CCDC157: variants seen among roughly 807,000 people sequenced by gnomAD.
CCDC157 encodes the protein coiled-coil domain-containing protein 157.
Under a neutral mutation model 70.9 loss-of-function variants are expected in CCDC157, and 60 were observed. That is an observed-to-expected ratio of 0.85 (90% CI 0.69 to 1.05). The LOEUF is 1.05. Ranked by LOEUF, CCDC157 falls within the 50% of genes least tolerant of loss-of-function variation. The probability of loss-of-function intolerance (pLI) is 0.00; values close to 1 mark genes in which losing one functional copy is unlikely to be tolerated. For missense variants in CCDC157, 943 were observed against 984.2 expected (o/e 0.96, Z 0.56); for synonymous variants, 373 against 422.4 (o/e 0.88, Z 1.43).
At position 30,372,184 on chromosome 22, in the gene CCDC157, G is replaced by C. The variant is rs759592497; in HGVS notation, c.1233G>C (p.Leu411=). The part of the protein sequence containing the change: ...QVQQLEAQVQ[L]LVGRLEGAGQ... ...AGCAGTTGGAGGCGCAGGTGCAGCT[G>C]TTGGTGGGTCGGCTGGAGGGCGCTG... The change falls in exon 7 of 12, where the codon CTG becomes CTC. Residue 411 remains leucine (L), a synonymous_variant. Transcript: ENST00000338306. 1 of 1,587,620 alleles carries C rather than the reference G, an allele frequency of 6.3e-7. No homozygotes were observed. The highest frequency in any genetic ancestry group is 1.1e-5 in the South Asian group (1 of 87,106).
rs1932892917 is a variant in CCDC157 at position 30,370,588 on chromosome 22, A to G, written c.683A>G (p.Gln228Arg). 1.2e-6 allele frequency: 2 copies of G among 1,614,026 alleles called. No individual in the cohort carries two copies. Among genetic ancestry groups the G allele is most frequent in the Non-Finnish European group, 1.7e-6 (2 of 1,180,032 alleles). The change falls in exon 5 of 12, where the codon CAG becomes CGG. Residue 228 changes from glutamine to arginine, a missense_variant. Transcript: ENST00000338306. Reference sequence around the variant, plus strand: ...CCCTGTGACGCATGCGCCAGCGTCCAGGGAAGCCTGCAGAAGGTGGGCAAG... The same window carrying G: ...CCCTGTGACGCATGCGCCAGCGTCCGGGGAAGCCTGCAGAAGGTGGGCAAG... ...LVPCDACASV[Q>R]GSLQKVGKVV...
rs369662241 is a variant in CCDC157, at chr22:30,372,291, G to A, written c.1335+5G>A. 1.8e-4 allele frequency: 284 copies of A among 1,551,272 alleles called. No homozygotes were observed. The African/African-American group carries it at 3.5e-3, about 19-fold the overall frequency. On this transcript the variant is annotated splice_donor_5th_base_variant and intron_variant, in intron 7 of 11. Transcript: ENST00000338306. ...AGCATGGTCCGCCACCAGGAGGTGA[G>A]GCCAGGGCCCTCGCTAGCCTGGGCA...
At chr22:30,364,672 G>A (rs1462117734) in intron 2 of CCDC157, among the ~76,000 whole-genome samples, 7 of 151,304 alleles carry the variant, frequency 4.6e-5, no homozygotes, top group African/African-American at 1.5e-4. Flanking sequence ...GCGTGGTGGC[G>A]GGCACCTGTA....
Position 30,373,774 on chromosome 22 carries a change from G to A in CCDC157, c.1503+10G>A. 1.3e-6 allele frequency: 2 copies of A among 1,544,830 alleles called. No individual in the cohort carries two copies. The highest frequency in any genetic ancestry group is 1.7e-6 in the Non-Finnish European group (2 of 1,143,478). On this transcript the variant is annotated intron_variant, in intron 8 of 11. Transcript: ENST00000338306. Reference sequence around the variant, plus strand: ...GCTCAGGGCCCAGCAGGTGAGGGTGGGGGTCTTCCTTTTTGCCAGAGAAGT... The same window carrying A: ...GCTCAGGGCCCAGCAGGTGAGGGTGAGGGTCTTCCTTTTTGCCAGAGAAGT...
At chr22:30,371,482 G>T in intron 5 of CCDC157, 168 bp from the exon 6 acceptor site, 2 of 614,528 alleles carry the variant, frequency 3.3e-6, no homozygotes, top group Non-Finnish European at 5.8e-6. Flanking sequence ...AAGCAGGGTG[G>T]GTAAGGGCCC....
Position 30,373,623 on chromosome 22 carries a change from G to C in CCDC157, c.1362G>C (p.Leu454=). The part of the protein sequence containing the change: ...QESLQAKQRA[L]LKQLDSLDQE... ...CTCTGCAGGCCAAGCAGCGAGCCCT[G>C]CTAAAGCAGCTGGACAGCCTGGACC... Residue 454 remains leucine (L), a synonymous_variant, in exon 8 of 12, where the codon CTG becomes CTC. Transcript: ENST00000338306. 6.4e-7 allele frequency: 1 copy of C among 1,556,270 alleles called. No individual in the cohort carries two copies. Among genetic ancestry groups the C allele is most frequent in the Non-Finnish European group, 8.7e-7 (1 of 1,149,720 alleles).
intron 10 of CCDC157, 24 bp downstream of exon 10, chr22:30,375,687 T>C (rs890243871): frequency 7.5e-6 from 12 of 1,591,460 alleles, no homozygotes; most frequent in Non-Finnish European, 9.4e-6. Context: ...GGCGGGCCCT[T>C]GGGGACCAGG....
intron 1 of CCDC157, among the ~76,000 whole-genome samples, chr22:30,359,415 AC>A (rs1331221215): frequency 6.6e-6 from 1 of 152,062 alleles, no homozygotes; most frequent in Non-Finnish European, 1.5e-5. Flanking sequence ...ACACAAGCTT[AC>A]CCCTTGCGGA....
intron 4 of CCDC157, 41 bp from the exon 5 acceptor site, chr22:30,370,285 C>G: frequency 6.2e-7 from 1 of 1,601,132 alleles, no homozygotes; most frequent in Non-Finnish European, 8.5e-7. Context: ...CCTCTCTACT[C>G]TCTCCCTCAC....
chr22:30,357,717 A>G (rs371376974), intron 1 of CCDC157, among the ~76,000 whole-genome samples: 1 of 142,734 alleles, frequency 7.0e-6, no homozygotes, highest in Non-Finnish European at 1.5e-5. Flanking sequence ...GGGTTTCACC[A>G]TGCTGGCCAG....
chr22:30,373,222 C>G lies in CCDC157; in HGVS notation c.1336-375C>G, dbSNP rs149148986. On this transcript the variant is annotated intron_variant, in intron 7 of 11. Transcript: ENST00000338306. ...GGGTGTTAGGAAATGTGGGCTTCAGCAACATGGGATGATGTGACACTGGAG... is the reference window on the plus strand; with the variant it reads ...GGGTGTTAGGAAATGTGGGCTTCAGGAACATGGGATGATGTGACACTGGAG... 1.3e-3 allele frequency: 302 copies of G among 228,792 alleles called. 3 individuals are homozygous for G. Among genetic ancestry groups the G allele is most frequent in the African/African-American group, 6.7e-3 (287 of 43,122 alleles). 14.2% of individuals were successfully genotyped at this position (228,792 alleles called of 1,614,324 possible).
chr22:30,357,170 A>G (rs1282995242), intron 1 of CCDC157, 38 bp downstream of exon 1: 1 of 188,964 alleles, frequency 5.3e-6, no homozygotes, highest in African/African-American at 2.3e-5. Flanking sequence ...CCCCCGCCGC[A>G]CTCACCTCGC....
At position 30,374,089 on chromosome 22, in the gene CCDC157, A is replaced by G. The variant is rs545605224; in HGVS notation, c.1670A>G (p.His557Arg). 19 of 1,593,400 alleles carry G rather than the reference A, an allele frequency of 1.2e-5. No individual in the cohort carries two copies. The Admixed American group carries it at 3.0e-4, about 25-fold the overall frequency. ...DLHRPTETQI[H>R]GGRSSSVESQ... ...CACAGGCCCACCGAGACCCAGATCC[A>G]TGGTAGGGGACTGGGGATGGTGCCA... The change falls in exon 9 of 12, where the codon CAT becomes CGT. Residue 557 changes from histidine (H) to arginine (R), a missense_variant and splice_region_variant. By Grantham distance (29) the His-to-Arg change is conservative. Transcript: ENST00000338306.
intron 7 of CCDC157, chr22:30,372,571 G>A (rs1933023432): frequency 5.8e-6 from 2 of 346,062 alleles, no homozygotes; most frequent in Non-Finnish European, 1.0e-5. Context: ...TGGCTAAGGG[G>A]TGCAGGGAGG....
chr22:30,376,079 C>T (rs1933334295), intron 10 of CCDC157, 180 bp from the exon 11 acceptor site: 1 of 607,130 alleles, frequency 1.6e-6, no homozygotes, highest in African/African-American at 1.9e-5. Flanking sequence ...GCTGCCTGCC[C>T]AAGGCTCTGC....
intron 9 of CCDC157, chr22:30,374,866 C>T (rs1933226395): frequency 2.5e-6 from 1 of 403,324 alleles, no homozygotes; most frequent in African/African-American, 2.1e-5. Context: ...GGCCGTGTGA[C>T]CTTGGACAGC....
At position 30,362,078 on chromosome 22, in the gene CCDC157, A is replaced by G. The variant is rs1426226227; in HGVS notation, c.-48A>G. ...GCTCGTCTGAGAACTAGACACACTC[A>G]GTCACTCCAGCTCCACGGGCAGACA... is the stretch of plus-strand genomic sequence containing the variant. On this transcript the variant is annotated 5_prime_UTR_variant, in exon 2 of 12. Transcript: ENST00000338306. 1 of 152,400 alleles carries G rather than the reference A, an allele frequency of 6.6e-6. No individual in the cohort carries two copies. The highest frequency in any genetic ancestry group is 6.5e-5 in the Admixed American group (1 of 15,284). The allele number at this position is 152,400 out of a possible 1,614,324, so 9.4% of individuals were successfully genotyped here.
Position 30,376,699 on chromosome 22 carries a change from G to A in CCDC157, c.2213G>A (p.Arg738Gln), listed in dbSNP as rs142269248. The part of the protein sequence containing the change: ...VRLRKRLSPG[R>Q]GQASSAHQPQ... The stretch of plus-strand genomic sequence containing the variant: ...CTGAGAAAGAGACTGTCACCTGGCC[G>A]GGGACAGGCCAGCTCTGCACACCAG... The change falls in exon 12 of 12, where the codon CGG (arginine) becomes CAG (glutamine). Residue 738 changes from arginine to glutamine, a missense_variant. Transcript: ENST00000338306. 280 of 1,613,338 alleles carry A rather than the reference G, an allele frequency of 1.7e-4. 4 individuals carry two copies. The East Asian group carries it at 3.4e-3, about 20-fold the overall frequency.
Position 30,375,508 on chromosome 22 carries a change from A to C in CCDC157, c.1702A>C (p.Ile568Leu). Residue 568 changes from isoleucine (I) to leucine (L), a missense_variant, in exon 10 of 12, where the codon ATA becomes CTA. Transcript: ENST00000338306. ...GGRSSSVESQ[I>L]TCPTDSGNVT... is the part of the protein sequence containing the mutation. ...CAGATCCAGCAGCGTGGAATCCCAG[A>C]TAACATGTCCCACAGACTCTGGCAA... is the stretch of plus-strand genomic sequence containing the variant. 5 of 1,614,212 alleles carry C rather than the reference A, an allele frequency of 3.1e-6. No individual in the cohort carries two copies. The highest frequency in any genetic ancestry group is 2.7e-5 in the African/African-American group (2 of 75,066).
Sources: allele counts gnomAD v4.1 joint callset (sites outside exome capture counted in the v4.1 genomes callset), GRCh38; gene constraint gnomAD v4.1.1; transcripts MANE v1.5; gene names NCBI Gene and HGNC (gene_info 2026-07-23, HGNC 2026-07-21).